RNF130: variants seen among roughly 807,000 people sequenced by gnomAD.
The protein encoded by RNF130 is E3 ubiquitin-protein ligase RNF130.
A neutral mutation model predicts 44.6 loss-of-function variants in RNF130; 21 were observed. The ratio of observed to expected loss-of-function variants is 0.47; its 90% CI spans 0.33 to 0.68. The LOEUF is 0.68. Ranked by LOEUF, RNF130 falls within the 30% of genes least tolerant of loss-of-function variation. RNF130 has a pLI of 0.02. For missense variants in RNF130, 479 were observed against 560.6 expected, an observed-to-expected ratio of 0.85 and a Z score of 1.47; for synonymous variants, 214 against 210.4, an observed-to-expected ratio of 1.02 and a Z score of -0.15.
Position 179,962,992 on chromosome 5 carries a change from G to A in RNF130, c.1244+479C>T, listed in dbSNP as rs556580574. Among the ~76,000 whole-genome samples the A allele has an allele frequency of 8.5e-5, 13 of 152,316 alleles. No individual in the cohort carries two copies. In the South Asian group the frequency reaches 2.5e-3, roughly 29 times the overall value. ...AGCTGTCCTAACATCTGGAAACAGC[G>A]GGTCTTTCAAACTGCTTCTTTCCTG... is the stretch of plus-strand genomic sequence containing the variant. On this transcript the variant is annotated intron_variant, in intron 8 of 8. Transcript: ENST00000521389.
intron 3 of RNF130, among the ~76,000 whole-genome samples, chr5:180,010,833 G>C (rs1175152709): frequency 6.6e-6 from 1 of 151,260 alleles, no homozygotes; most frequent in African/African-American, 2.4e-5. Context: ...TTGGTCATGT[G>C]AATCTACACA....
chr5:180,052,943 G>A (rs566991962), intron 1 of RNF130, among the ~76,000 whole-genome samples: 2 of 152,220 alleles, frequency 1.3e-5, no homozygotes, highest in South Asian at 4.2e-4. Flanking sequence ...ACTTGTTGAG[G>A]CAGGTCTCAA....
intron 5 of RNF130, among the ~76,000 whole-genome samples, chr5:179,972,043 G>C (rs960651144): frequency 4.6e-5 from 7 of 152,234 alleles, no homozygotes; most frequent in Non-Finnish European, 1.5e-5. Context: ...TTTTACTTAA[G>C]GGCTGGAAAC....
rs529863616 is a variant in RNF130, at chr5:179,966,688, A to T, written c.1150+118T>A. 9 of 792,480 alleles carry T rather than the reference A, an allele frequency of 1.1e-5. No individual in the cohort carries two copies. The East Asian group carries it at 2.2e-4, about 19-fold the overall frequency. 49.1% of individuals were successfully genotyped at this position (792,480 alleles called of 1,614,324 possible). On this transcript the variant is annotated intron_variant, in intron 7 of 8. Transcript: ENST00000521389. ...ACCTGTTTTAACAGCAACACACATC[A>T]CTTTCTTGGTTACAGTCTGTGTTGC...
At chr5:179,949,608 A>C (rs1762095744) in intron 7 of RNF130, among the ~76,000 whole-genome samples, 1 of 152,224 alleles carries the variant, frequency 6.6e-6, no homozygotes, top group Non-Finnish European at 1.5e-5. Context: ...TTTAATCTCG[A>C]ATTTTTTAAA....
chr5:180,043,161 T>C (rs1254183733), intron 1 of RNF130, among the ~76,000 whole-genome samples: 2 of 151,656 alleles, frequency 1.3e-5, no homozygotes, highest in Non-Finnish European at 2.9e-5. Context: ...CTACACAAAA[T>C]AAAAAACAAA....
At chr5:180,059,460 C>A (rs1764919655) in intron 1 of RNF130, among the ~76,000 whole-genome samples, 1 of 152,226 alleles carries the variant, frequency 6.6e-6, no homozygotes, top group African/African-American at 2.4e-5. Flanking sequence ...CATGCAGGAA[C>A]TTCCTGTCCT....
At chr5:179,993,960 C>T (rs1337072291) in intron 3 of RNF130, among the ~76,000 whole-genome samples, 4 of 152,192 alleles carry the variant, frequency 2.6e-5, no homozygotes, top group Non-Finnish European at 5.9e-5. Context: ...CCAGTTTTCC[C>T]AGCGTCATTT....
At chr5:179,973,434 A>G (rs778226224) in intron 5 of RNF130, among the ~76,000 whole-genome samples, 27 of 152,186 alleles carry the variant, frequency 1.8e-4, no homozygotes, top group Non-Finnish European at 2.9e-4. Context: ...AAGTTCTGCT[A>G]CAACAGTCTG....
At chr5:179,926,347 C>T in intron 7 of RNF130, among the ~76,000 whole-genome samples, 1 of 152,064 alleles carries the variant, frequency 6.6e-6, no homozygotes, top group East Asian at 1.9e-4. Context: ...TTGCAATATC[C>T]TTCATAATAA....
At chr5:180,069,016 A>G (rs570376510) in intron 1 of RNF130, among the ~76,000 whole-genome samples, 1 of 152,398 alleles carries the variant, frequency 6.6e-6, no homozygotes, top group Non-Finnish European at 1.5e-5. Context: ...TCATTAAATC[A>G]AGATTATAAT....
In RNF130 at chr5:179,961,664, T is replaced by C. The variant is rs138850357; in HGVS notation, c.1244+1807A>G. On this transcript the variant is annotated intron_variant, in intron 8 of 8. Coordinates refer to ENST00000521389, the MANE Select transcript of RNF130 (RefSeq NM_018434.6). ...ACTCATTTGTGAACTTTTTAAGAAG[T>C]AGGCTTGTATTACTATCTTGCCTGA... Among the ~76,000 whole-genome samples, 9 of 152,348 alleles carry C rather than the reference T, an allele frequency of 5.9e-5. No individual in the cohort carries two copies. In the East Asian group the frequency reaches 1.5e-3, roughly 26 times the overall value.
chr5:179,986,636 T>C (rs1762958722), intron 3 of RNF130, among the ~76,000 whole-genome samples: 2 of 152,242 alleles, frequency 1.3e-5, no homozygotes, highest in South Asian at 4.1e-4. Flanking sequence ...ATACAGTACG[T>C]ACTACTGTTA....
chr5:180,057,814 A>C (rs1401215596), intron 1 of RNF130, among the ~76,000 whole-genome samples: 1 of 152,208 alleles, frequency 6.6e-6, no homozygotes, highest in Non-Finnish European at 1.5e-5. Context: ...GCTGTTATAT[A>C]GCAAATTATC....
intron 2 of RNF130, among the ~76,000 whole-genome samples, chr5:180,015,072 T>C (rs1763686624): frequency 6.6e-6 from 1 of 152,180 alleles, no homozygotes; most frequent in African/African-American, 2.4e-5. Flanking sequence ...TTACTCAAAA[T>C]TGTTACAGCC....
intron 1 of RNF130, among the ~76,000 whole-genome samples, chr5:180,051,903 G>C (rs1764695388): frequency 6.6e-6 from 1 of 152,206 alleles, no homozygotes; most frequent in African/African-American, 2.4e-5. Flanking sequence ...AGATGCTACA[G>C]ATCTAAATAA....
chr5:179,946,876 C>T (rs965188432), intron 7 of RNF130, among the ~76,000 whole-genome samples: 7 of 152,186 alleles, frequency 4.6e-5, no homozygotes, highest in Admixed American at 3.9e-4. Flanking sequence ...TTTTCATCAG[C>T]TGGGTTTGCC....
intron 3 of RNF130, among the ~76,000 whole-genome samples, chr5:179,996,498 A>T (rs945284340): frequency 2.6e-5 from 4 of 152,176 alleles, no homozygotes; most frequent in African/African-American, 9.7e-5. Flanking sequence ...TGTTCTTTCT[A>T]TACCTAACTT....
intron 7 of RNF130, among the ~76,000 whole-genome samples, chr5:179,942,098 G>A (rs1431730754): frequency 1.3e-5 from 2 of 150,622 alleles, no homozygotes; most frequent in Non-Finnish European, 2.9e-5. Context: ...GAGTTGAGTG[G>A]GATGTACACT....
Sources: allele counts gnomAD v4.1 joint callset (sites outside exome capture counted in the v4.1 genomes callset), GRCh38; gene constraint gnomAD v4.1.1; transcripts MANE v1.5; gene names NCBI Gene and HGNC (gene_info 2026-07-23, HGNC 2026-07-21).